LDLRAD3: variants seen among roughly 807,000 people sequenced by gnomAD.
LDLRAD3 encodes the protein low density lipoprotein receptor class A domain containing 3, also known as low-density lipoprotein receptor class A domain-containing protein 3.
A neutral mutation model predicts 29.4 loss-of-function variants in LDLRAD3; 20 were observed. The ratio of observed to expected loss-of-function variants is 0.68; its 90% CI spans 0.48 to 0.99. LDLRAD3 has a LOEUF of 0.99. Ranked by LOEUF, LDLRAD3 falls within the 50% of genes least tolerant of loss-of-function variation. The pLI, the probability that LDLRAD3 is intolerant of heterozygous loss-of-function variation, is 0.00. For synonymous variants in LDLRAD3, 157 were observed against 192.7 expected, an observed-to-expected ratio of 0.81 and a Z score of 1.53; for missense variants, 420 against 454.3, an observed-to-expected ratio of 0.92 and a Z score of 0.69.
intron 4 of LDLRAD3, among the ~76,000 whole-genome samples, chr11:36,152,499 T>C (rs1854291352): frequency 6.6e-6 from 1 of 152,160 alleles, no homozygotes; most frequent in African/African-American, 2.4e-5. Context: ...TCCAAACCTC[T>C]TTCATAATGA....
chr11:36,025,585 T>C (rs1205927865), intron 1 of LDLRAD3, among the ~76,000 whole-genome samples: 1 of 151,886 alleles, frequency 6.6e-6, no homozygotes, highest in African/African-American at 2.4e-5. Flanking sequence ...GAGACGGGGT[T>C]TCACCCTGTT....
rs1455646095 is a variant in LDLRAD3, at chr11:36,098,483, A to G, written c.454+22A>G. ...CAAGGTAGGAACCTCTCAAGCTCTA[A>G]AAAGATAATTGCAACACAACACTGC... On this transcript the variant is annotated intron_variant, in intron 4 of 5. Transcript: ENST00000315571. The G allele has an allele frequency of 2.5e-6, 4 of 1,613,900 alleles. No individual in the cohort carries two copies. In the East Asian group the frequency reaches 8.9e-5, roughly 36 times the overall value.
intron 3 of LDLRAD3, among the ~76,000 whole-genome samples, chr11:36,093,057 A>G (rs977762400): frequency 9.9e-5 from 15 of 152,208 alleles, no homozygotes; most frequent in African/African-American, 2.9e-4. Context: ...CTGAGCAACT[A>G]TGCCCCTGAG....
At chr11:36,026,751 T>G (rs1852172492) in intron 1 of LDLRAD3, among the ~76,000 whole-genome samples, 1 of 152,208 alleles carries the variant, frequency 6.6e-6, no homozygotes, top group South Asian at 2.1e-4. Context: ...GCCATAACAG[T>G]TTCCAAATGC....
rs557602428 is a variant in LDLRAD3, at chr11:35,969,017, C to A, written c.46+24873C>A. 2.6e-5 allele frequency among the ~76,000 whole-genome samples: 4 copies of A among 152,316 alleles called. No individual in the cohort carries two copies. In the South Asian group the frequency reaches 8.3e-4, roughly 32 times the overall value. On this transcript the variant is annotated intron_variant, in intron 1 of 5. Transcript: ENST00000315571. ...TGGTGTGCGTACCAAGTCCCCGGCT[C>A]AGAGTCACGATTTTATACACAGGTT...
At chr11:36,061,341 A>C (rs1852696346) in intron 2 of LDLRAD3, among the ~76,000 whole-genome samples, 1 of 152,074 alleles carries the variant, frequency 6.6e-6, no homozygotes, top group Admixed American at 6.6e-5. Context: ...GGGTTTCACC[A>C]TGTTGGTCAG....
intron 4 of LDLRAD3, among the ~76,000 whole-genome samples, chr11:36,170,248 A>G (rs71480100): frequency 0.051 from 7,585 of 149,520 alleles, 228 homozygotes; most frequent in Middle Eastern, 0.1. Flanking sequence ...ATGTGTGTGT[A>G]TATATATATA....
intron 3 of LDLRAD3, among the ~76,000 whole-genome samples, chr11:36,097,472 T>G (rs1382471214): frequency 1.3e-5 from 2 of 152,188 alleles, no homozygotes; most frequent in Non-Finnish European, 2.9e-5. Context: ...CCAGGATATG[T>G]CCATGAGGTT....
At chr11:36,168,978 T>G (rs1854556798) in intron 4 of LDLRAD3, among the ~76,000 whole-genome samples, 1 of 152,188 alleles carries the variant, frequency 6.6e-6, no homozygotes, top group Non-Finnish European at 1.5e-5. Flanking sequence ...AGCATGGCTG[T>G]GCAGAATGAC....
intron 1 of LDLRAD3, among the ~76,000 whole-genome samples, chr11:36,009,203 T>A (rs572025244): frequency 6.6e-6 from 1 of 152,344 alleles, no homozygotes; most frequent in African/African-American, 2.4e-5. Flanking sequence ...TTTCTCTTCC[T>A]GGAACTTTCC....
chr11:36,128,535 C>T (rs1313305801), intron 4 of LDLRAD3, among the ~76,000 whole-genome samples: 1 of 152,112 alleles, frequency 6.6e-6, no homozygotes, highest in African/African-American at 2.4e-5. Flanking sequence ...GGCAGAACTA[C>T]AATCCAGTTT....
At chr11:36,101,880 G>A (rs1271777981) in intron 4 of LDLRAD3, 4 of 333,764 alleles carry the variant, frequency 1.2e-5, no homozygotes, top group Non-Finnish European at 2.2e-5. Flanking sequence ...TTGACCCACT[G>A]TCATCTTTTT....
intron 4 of LDLRAD3, among the ~76,000 whole-genome samples, chr11:36,166,339 A>G (rs907609465): frequency 6.6e-6 from 1 of 152,204 alleles, no homozygotes; most frequent in African/African-American, 2.4e-5. Context: ...AGGTAATCAC[A>G]TCGGCATGGC....
Position 36,206,226 on chromosome 11 carries a change from C to T in LDLRAD3, c.455-20859C>T, listed in dbSNP as rs185241464. 2.3e-3 allele frequency among the ~76,000 whole-genome samples: 351 copies of T among 152,286 alleles called. 8 individuals carry two copies. The highest frequency in any genetic ancestry group is 0.02 in the Admixed American group (302 of 15,302). The stretch of plus-strand genomic sequence containing the variant: ...ATACTGTATGCGGTAGGTGCTGGGG[C>T]TGCCTGTTGGTCCTGAACCCATCAT... On this transcript the variant is annotated intron_variant, in intron 4 of 5. Transcript: ENST00000315571.
chr11:36,108,586 A>C (rs992955358), intron 4 of LDLRAD3, among the ~76,000 whole-genome samples: 1 of 152,074 alleles, frequency 6.6e-6, no homozygotes, highest in Non-Finnish European at 1.5e-5. Flanking sequence ...TCTCAAGACA[A>C]GATGCTGAAG....
chr11:36,078,975 C>T (rs928131325), intron 2 of LDLRAD3, among the ~76,000 whole-genome samples: 2 of 152,148 alleles, frequency 1.3e-5, no homozygotes, highest in East Asian at 1.9e-4. Flanking sequence ...CAGCGGAGAG[C>T]GAGGTTAAGA....
At chr11:36,118,173 C>T (rs1853700530) in intron 4 of LDLRAD3, among the ~76,000 whole-genome samples, 1 of 152,020 alleles carries the variant, frequency 6.6e-6, no homozygotes, top group Admixed American at 6.6e-5. Flanking sequence ...TTGTCCCACT[C>T]CAGATACCAA....
chr11:35,989,965 C>G (rs899491308), intron 1 of LDLRAD3, among the ~76,000 whole-genome samples: 6 of 152,110 alleles, frequency 3.9e-5, no homozygotes, highest in Non-Finnish European at 8.8e-5. Flanking sequence ...GAAAACCACT[C>G]TACAGACACA....
chr11:36,222,292 C>T (rs1176150703), intron 4 of LDLRAD3, among the ~76,000 whole-genome samples: 2 of 152,126 alleles, frequency 1.3e-5, no homozygotes, highest in Non-Finnish European at 2.9e-5. Context: ...CTATGTTGCC[C>T]AGGCTGGTCT....
Sources: allele counts gnomAD v4.1 joint callset (sites outside exome capture counted in the v4.1 genomes callset), GRCh38; gene constraint gnomAD v4.1.1; transcripts MANE v1.5; gene names NCBI Gene and HGNC (gene_info 2026-07-23, HGNC 2026-07-21).